The following MACROD2 variants were observed in gnomAD, a reference collection of about 807,000 sequenced individuals.
MACROD2 encodes the protein mono-ADP ribosylhydrolase 2.
MACROD2 carries 36 observed loss-of-function variants against 70.4 expected under a neutral mutation model. That is an observed-to-expected ratio of 0.51 (90% CI 0.39 to 0.68). MACROD2 has a LOEUF of 0.68. MACROD2 is among the 30% of genes least tolerant of loss of function. The pLI, the probability that MACROD2 is intolerant of heterozygous loss-of-function variation, is 0.00. For synonymous variants in MACROD2, 172 were observed against 178.8 expected (o/e 0.96, Z 0.30); for missense variants, 496 against 538.4 (o/e 0.92, Z 0.78).
chr20:15,171,412 C>G (rs2076421377), intron 5 of MACROD2, among the ~76,000 whole-genome samples: 1 of 151,144 alleles, frequency 6.6e-6, no homozygotes, highest in Admixed American at 6.6e-5. Context: ...TCCATTTCTC[C>G]CCTTCCATCT....
intron 5 of MACROD2, among the ~76,000 whole-genome samples, chr20:15,044,666 G>A (rs560617311): frequency 6.6e-6 from 1 of 152,196 alleles, no homozygotes; most frequent in South Asian, 2.1e-4. Flanking sequence ...TTGTCTACAT[G>A]TGCTGGGAAC....
intron 5 of MACROD2, among the ~76,000 whole-genome samples, chr20:15,029,161 G>A (rs1371774073): frequency 6.6e-6 from 1 of 152,106 alleles, no homozygotes; most frequent in East Asian, 1.9e-4. Flanking sequence ...CTTCCAGAAG[G>A]CCCTCAACCT....
At chr20:15,968,359 A>T (rs1468150812) in intron 13 of MACROD2, among the ~76,000 whole-genome samples, 1 of 152,178 alleles carries the variant, frequency 6.6e-6, no homozygotes. Context: ...TTATTTATAC[A>T]TGAAATCAGA....
chr20:15,744,666 C>T (rs139059582), intron 8 of MACROD2, among the ~76,000 whole-genome samples: 333 of 150,004 alleles, frequency 2.2e-3, no homozygotes, highest in African/African-American at 7.8e-3. Flanking sequence ...GAAGAGAATA[C>T]AGTTGCAAAG....
At chr20:14,011,459 T>TC (rs147067387) in intron 2 of MACROD2, among the ~76,000 whole-genome samples, 13,840 of 151,948 alleles carry the variant, frequency 0.091, 899 homozygotes, top group Non-Finnish European at 0.13. Context: ...TTGTGGCATT[T>TC]CCCCCCCTTC....
chr20:14,941,996 G>A (rs1354163836), intron 5 of MACROD2, among the ~76,000 whole-genome samples: 2 of 149,164 alleles, frequency 1.3e-5, no homozygotes, highest in African/African-American at 5.0e-5. Context: ...GTGGGGTTTC[G>A]CCGTGTTGTT....
chr20:15,454,119 G>A (rs1253800567), intron 7 of MACROD2, among the ~76,000 whole-genome samples: 1 of 152,096 alleles, frequency 6.6e-6, no homozygotes, highest in Non-Finnish European at 1.5e-5. Flanking sequence ...CTTCAGAGGA[G>A]GCAATTGTAA....
chr20:15,576,815 C>T (rs1229496291), intron 8 of MACROD2, among the ~76,000 whole-genome samples: 3 of 152,090 alleles, frequency 2.0e-5, no homozygotes, highest in Non-Finnish European at 2.9e-5. Flanking sequence ...CAATAATTTC[C>T]CCAAGTTATC....
intron 5 of MACROD2, among the ~76,000 whole-genome samples, chr20:14,807,275 C>T (rs1600682999): frequency 6.6e-6 from 1 of 152,212 alleles, no homozygotes; most frequent in East Asian, 1.9e-4. Flanking sequence ...GTTCTGCAGC[C>T]TCTGCTGGTA....
intron 5 of MACROD2, among the ~76,000 whole-genome samples, chr20:15,010,097 G>A (rs910189714): frequency 5.9e-5 from 9 of 152,118 alleles, no homozygotes; most frequent in African/African-American, 1.9e-4. Flanking sequence ...GTGTTGAGGG[G>A]TATGCCATGA....
chr20:15,066,111 C>CTTT (rs576117795), intron 5 of MACROD2, among the ~76,000 whole-genome samples: 40 of 142,668 alleles, frequency 2.8e-4, no homozygotes, highest in Admixed American at 9.1e-4. Flanking sequence ...GAGCTGCTTT[C>CTTT]TTTTTTTTTT....
intron 5 of MACROD2, among the ~76,000 whole-genome samples, chr20:14,790,530 A>T (rs963657668): frequency 2.6e-5 from 4 of 152,112 alleles, no homozygotes; most frequent in African/African-American, 9.7e-5. Flanking sequence ...TCCTCAAATG[A>T]CCTTCACCAA....
intron 5 of MACROD2, among the ~76,000 whole-genome samples, chr20:14,996,291 G>A (rs931873044): frequency 6.6e-6 from 1 of 152,164 alleles, no homozygotes; most frequent in Admixed American, 6.5e-5. Flanking sequence ...CCGGAGGTCA[G>A]CCAACTCTGC....
At chr20:15,998,444 A>G (rs562143844) in intron 15 of MACROD2, among the ~76,000 whole-genome samples, 1 of 151,690 alleles carries the variant, frequency 6.6e-6, no homozygotes, top group South Asian at 2.1e-4. Flanking sequence ...CATTTCTTTT[A>G]TGTTATCCCA....
At chr20:14,150,283 T>C (rs2055000466) in intron 3 of MACROD2, among the ~76,000 whole-genome samples, 1 of 152,188 alleles carries the variant, frequency 6.6e-6, no homozygotes, top group African/African-American at 2.4e-5. Context: ...AATAGGGTTC[T>C]TACATGAGGT....
intron 8 of MACROD2, among the ~76,000 whole-genome samples, chr20:15,828,287 T>C (rs2064019238): frequency 6.6e-6 from 1 of 152,140 alleles, no homozygotes; most frequent in African/African-American, 2.4e-5. Flanking sequence ...AAAACTTAGT[T>C]TGGGGACAAG....
chr20:14,364,993 AG>A (rs1294836976), intron 3 of MACROD2, among the ~76,000 whole-genome samples: 3 of 152,214 alleles, frequency 2.0e-5, no homozygotes, highest in African/African-American at 7.2e-5. Context: ...AGAATGAATT[AG>A]GAAGTATTTC....
chr20:15,029,490 A>T (rs1347253665), intron 5 of MACROD2, among the ~76,000 whole-genome samples: 3 of 152,184 alleles, frequency 2.0e-5, no homozygotes, highest in Non-Finnish European at 4.4e-5. Flanking sequence ...TAGAATTTTC[A>T]TATCTAACAA....
At chr20:14,567,968 C>G (rs896245011) in intron 4 of MACROD2, among the ~76,000 whole-genome samples, 1 of 152,014 alleles carries the variant, frequency 6.6e-6, no homozygotes, top group Non-Finnish European at 1.5e-5. Context: ...CATTCTCCTA[C>G]TATTGGCTTC....
Sources: allele counts gnomAD v4.1 joint callset (sites outside exome capture counted in the v4.1 genomes callset), GRCh38; gene constraint gnomAD v4.1.1; transcripts MANE v1.5; gene names NCBI Gene and HGNC (gene_info 2026-07-23, HGNC 2026-07-21).